The following TXNDC11 variants were observed in gnomAD, a reference collection of about 807,000 sequenced individuals.
The protein encoded by TXNDC11 is thioredoxin domain containing 11.
In TXNDC11, 68 loss-of-function variants were observed where a neutral mutation model predicts 78.0. That is an observed-to-expected ratio of 0.87 (90% CI 0.72 to 1.07). TXNDC11 has a LOEUF of 1.07. TXNDC11 is among the 50% of genes least tolerant of loss of function. The pLI, the probability that TXNDC11 is intolerant of heterozygous loss-of-function variation, is 0.00. For missense variants in TXNDC11, 1,389 were observed against 1,221.8 expected, an observed-to-expected ratio of 1.14 and a Z score of -2.04; for synonymous variants, 571 against 495.2, an observed-to-expected ratio of 1.15 and a Z score of -2.03.
intron 5 of TXNDC11, among the ~76,000 whole-genome samples, chr16:11,717,853 G>A (rs2141078729): frequency 6.6e-6 from 1 of 151,856 alleles, no homozygotes; most frequent in South Asian, 2.1e-4. Context: ...TACAATAATG[G>A]ACAGAAATAT....
At chr16:11,706,841 T>C (rs2051195101) in intron 5 of TXNDC11, among the ~76,000 whole-genome samples, 1 of 152,224 alleles carries the variant, frequency 6.6e-6, no homozygotes, top group South Asian at 2.1e-4. Flanking sequence ...CGTTTTAATA[T>C]ATGACTACAG....
intron 7 of TXNDC11, among the ~76,000 whole-genome samples, chr16:11,695,635 C>G (rs1176088096): frequency 1.3e-5 from 2 of 152,166 alleles, no homozygotes; most frequent in Admixed American, 6.5e-5. Flanking sequence ...CCTCTACCAC[C>G]CAAGTTCAGG....
intron 5 of TXNDC11, among the ~76,000 whole-genome samples, chr16:11,720,168 G>A (rs1248439568): frequency 6.6e-6 from 1 of 152,118 alleles, no homozygotes; most frequent in South Asian, 2.1e-4. Flanking sequence ...ACAATTGGGA[G>A]AATATGACCT....
intron 7 of TXNDC11, among the ~76,000 whole-genome samples, chr16:11,694,944 T>C (rs1441648432): frequency 6.6e-6 from 1 of 152,250 alleles, no homozygotes; most frequent in Non-Finnish European, 1.5e-5. Flanking sequence ...CAGTAGATGT[T>C]TCCTTCTATT....
In TXNDC11 at chr16:11,732,812, CTGTT is replaced by C. The variant is rs2052094464; in HGVS notation, c.569+1166_569+1169del. Among the ~76,000 whole-genome samples the C allele has an allele frequency of 2.0e-5, 3 of 152,278 alleles. 1 individual carries two copies. Among genetic ancestry groups the C allele is most frequent in the South Asian group, 4.1e-4 (2 of 4,824 alleles). Reference sequence around the variant, plus strand: ...AATGTGACAGAGAACCCACAAATCACTGTTTGTGCATGTTTGCTATAAATCCCCA... The same window carrying C: ...AATGTGACAGAGAACCCACAAATCACTGTGCATGTTTGCTATAAATCCCCA... On this transcript the variant is annotated intron_variant, in intron 3 of 11. Transcript: ENST00000283033.
In TXNDC11 at chr16:11,691,331, T is replaced by C; in HGVS notation, c.1859A>G (p.Tyr620Cys). The C allele has an allele frequency of 2.5e-6, 4 of 1,614,212 alleles. No individual in the cohort carries two copies. Among genetic ancestry groups the C allele is most frequent in the Non-Finnish European group, 3.4e-6 (4 of 1,180,020 alleles). ...AIVDVKEESH[Y>C]ILDPKQALMK... ...CAGTGCTTGCTTTGGATCCAAGATG[T>C]AATGAGATTCTTCTTTCACGTCAAC... Residue 620 changes from tyrosine to cysteine, a missense_variant, in exon 8 of 12, where the codon TAC becomes TGC. Physicochemically the swap from Tyr to Cys is radical, Grantham distance 194. Coordinates refer to ENST00000283033, the MANE Select transcript of TXNDC11 (RefSeq NM_015914.7).
intron 5 of TXNDC11, among the ~76,000 whole-genome samples, chr16:11,711,507 C>CTCCT (rs1442673706): frequency 6.6e-6 from 1 of 152,144 alleles, no homozygotes; most frequent in Non-Finnish European, 1.5e-5. Flanking sequence ...TGGCCCTTTC[C>CTCCT]TCCTTCAAAG....
intron 3 of TXNDC11, among the ~76,000 whole-genome samples, chr16:11,731,473 T>C (rs2052043972): frequency 6.6e-6 from 1 of 152,176 alleles, no homozygotes. Context: ...CTCACGTGCC[T>C]CTCTTCAGTC....
At chr16:11,702,054 TTATG>T (rs1180090622) in intron 5 of TXNDC11, among the ~76,000 whole-genome samples, 16 of 148,936 alleles carry the variant, frequency 1.1e-4, no homozygotes, top group Non-Finnish European at 1.3e-4. Flanking sequence ...CTTATAAAAG[TTATG>T]TGTGTGTATG....
chr16:11,742,075 A>C (rs2052413225), intron 1 of TXNDC11: 1 of 192,638 alleles, frequency 5.2e-6, no homozygotes, highest in African/African-American at 2.3e-5. Context: ...GGAATTCTAA[A>C]AGGGGTCTGG....
Position 11,721,605 on chromosome 16 carries a change from G to A in TXNDC11, c.765C>T (p.Phe255=), listed in dbSNP as rs377444325. The A allele has an allele frequency of 1.2e-6, 2 of 1,610,452 alleles. No individual in the cohort carries two copies. Among genetic ancestry groups the A allele is most frequent in the African/African-American group, 1.3e-5 (1 of 74,802 alleles). ...TCTTTAATGAATGTAATGCTGAGGT[G>A]AAGAAGGTCAAATAACCAGGAGGCT... is the stretch of plus-strand genomic sequence containing the variant. The part of the protein sequence containing the change: ...SPQPPGYLTF[F]TSALHSLKKD... Residue 255 remains phenylalanine, a synonymous_variant, in exon 5 of 12, where the codon TTC becomes TTT. Coordinates refer to ENST00000283033, the MANE Select transcript of TXNDC11 (RefSeq NM_015914.7).
Position 11,736,244 on chromosome 16 carries a change from G to A in TXNDC11, c.255-11C>T. 1.3e-6 allele frequency: 2 copies of A among 1,584,334 alleles called. No homozygotes were observed. The highest frequency in any genetic ancestry group is 1.7e-6 in the Non-Finnish European group (2 of 1,161,318). On this transcript the variant is annotated splice_polypyrimidine_tract_variant and intron_variant, in intron 1 of 11. Transcript: ENST00000283033. ...ACATCTTTTGCTCGACTAAAAAAGA[G>A]CAAACACAGAAAAGATTGCTTAGTT...
intron 6 of TXNDC11, among the ~76,000 whole-genome samples, chr16:11,699,517 A>C (rs2050951374): frequency 6.6e-6 from 1 of 152,212 alleles, no homozygotes; most frequent in African/African-American, 2.4e-5. Flanking sequence ...CCATACTCAA[A>C]CTACACTCAA....
chr16:11,742,388 C>G (rs1368551137), intron 1 of TXNDC11, 89 bp downstream of exon 1: 3 of 1,130,656 alleles, frequency 2.7e-6, no homozygotes, highest in Non-Finnish European at 2.3e-6. Flanking sequence ...ACTTCCCCGG[C>G]TGAGGCCGCT....
Position 11,742,461 on chromosome 16 carries a change from G to T in TXNDC11, c.254+16C>A. The T allele has an allele frequency of 1.4e-6, 2 of 1,410,752 alleles. No homozygotes were observed. Among genetic ancestry groups the T allele is most frequent in the Non-Finnish European group, 1.8e-6 (2 of 1,090,026 alleles). The allele number at this position is 1,410,752 out of a possible 1,614,324, so 87.4% of individuals were successfully genotyped here. A position where few individuals can be genotyped will look rare whatever the true frequency, so the allele number is the denominator to read the frequency against. On this transcript the variant is annotated intron_variant, in intron 1 of 11. Transcript: ENST00000283033. ...GGGAGCGCCCTAGCGGGGCCCCAGG[G>T]TCCGGGCCGCCTCACCTGCAGGTGA...
intron 7 of TXNDC11, 115 bp downstream of exon 7, chr16:11,698,010 C>T: frequency 1.1e-6 from 1 of 935,618 alleles, no homozygotes; most frequent in Non-Finnish European, 1.7e-6. Context: ...GCCACAGCTG[C>T]CCCTCGTGGC....
chr16:11,721,403 C>A, intron 5 of TXNDC11, 174 bp downstream of exon 5: 1 of 391,246 alleles, frequency 2.6e-6, no homozygotes, highest in Non-Finnish European at 4.8e-6. Flanking sequence ...CACGCCACTG[C>A]ACTCCAGCCT....
chr16:11,722,163 T>C (rs943461308), intron 4 of TXNDC11, among the ~76,000 whole-genome samples: 2 of 152,182 alleles, frequency 1.3e-5, no homozygotes, highest in Non-Finnish European at 2.9e-5. Context: ...AGGGTTAATC[T>C]TCACCTGTAA....
rs373925712 is a variant in TXNDC11 at position 11,700,515 on chromosome 16, C to T, written c.843G>A (p.Ala281=). The T allele has an allele frequency of 2.2e-5, 35 of 1,607,364 alleles. No homozygotes were observed. Among genetic ancestry groups the T allele is most frequent in the Non-Finnish European group, 2.3e-5 (27 of 1,174,278 alleles). ...CAGAGTGTACTAAGGATACCAGTTTCGCAAGATGTTTATTTGTGATAACCC... is the reference window on the plus strand; with the variant it reads ...CAGAGTGTACTAAGGATACCAGTTTTGCAAGATGTTTATTTGTGATAACCC... ...RFGVITNKHL[A]KLVSLVHSGS... is the part of the protein sequence containing the mutation. Residue 281 remains alanine, a synonymous_variant, in exon 6 of 12, where the codon GCG becomes GCA. Transcript: ENST00000283033.
Sources: gnomAD v4.1 joint callset for allele counts (sites outside exome capture counted in the v4.1 genomes callset) on GRCh38, gnomAD v4.1.1 for gene constraint, MANE v1.5 for transcripts, NCBI Gene and HGNC (gene_info 2026-07-23, HGNC 2026-07-21) for gene names.